Variants in TJP3 observed in about 807,000 individuals in gnomAD.
TJP3 encodes the protein tight junction protein ZO-3.
A neutral mutation model predicts 104.2 loss-of-function variants in TJP3; 85 were observed. That is an observed-to-expected ratio of 0.82 (90% confidence interval 0.68 to 0.98). The LOEUF (loss-of-function observed/expected upper bound fraction) is 0.98, where lower values mean the gene tolerates loss of function less well. TJP3 is among the 50% of genes least tolerant of loss of function. The pLI is 0.00. For synonymous variants in TJP3, 550 were observed against 550.6 expected (o/e 1.00, Z 0.02); for missense variants, 1,367 against 1,322.8 (o/e 1.03, Z -0.52).
At chr19:3,743,911 A>C in intron 14 of TJP3, 28 bp from the exon 15 acceptor site, 1 of 1,609,930 alleles carries the variant, frequency 6.2e-7, no homozygotes, top group Non-Finnish European at 8.5e-7. Flanking sequence ...TGGGACCCTG[A>C]TTCTTTCACT....
intron 6 of TJP3, among the ~76,000 whole-genome samples, chr19:3,733,046 T>TTTCTC (rs2036692842): frequency 6.6e-6 from 1 of 151,958 alleles, no homozygotes; most frequent in Non-Finnish European, 1.5e-5. Flanking sequence ...TTTCTTTTCT[T>TTTCTC]TCTTTTTGAT....
At chr19:3,723,511 G>C (rs1027343769) in intron 1 of TJP3, among the ~76,000 whole-genome samples, 3 of 152,044 alleles carry the variant, frequency 2.0e-5, no homozygotes, top group Non-Finnish European at 4.4e-5. Flanking sequence ...AATAAAACAG[G>C]CTGGGCGTGG....
intron 13 of TJP3, among the ~76,000 whole-genome samples, chr19:3,740,057 C>T (rs2036792232): frequency 6.6e-6 from 1 of 152,020 alleles, no homozygotes; most frequent in Non-Finnish European, 1.5e-5. Context: ...CATGGTGAAA[C>T]CCCATCCCTA....
Position 3,743,931 on chromosome 19 carries a change from C to T in TJP3, c.1844-8C>T. ...CCCTGATTCTTTCACTGTGTCTCTA[C>T]CCCTCAGCCAGTTTCAAGCGCCCGG... On this transcript the variant is annotated splice_polypyrimidine_tract_variant and splice_region_variant and intron_variant, in intron 14 of 20. Coordinates refer to ENST00000541714, the MANE Select transcript of TJP3 (RefSeq NM_001267560.2). 6.2e-7 allele frequency: 1 copy of T among 1,613,842 alleles called. No homozygotes were observed. Among genetic ancestry groups the T allele is most frequent in the South Asian group, 1.1e-5 (1 of 91,072 alleles).
At chr19:3,719,456 C>A (rs926357163) in intron 1 of TJP3, among the ~76,000 whole-genome samples, 2 of 151,878 alleles carry the variant, frequency 1.3e-5, no homozygotes, top group Non-Finnish European at 2.9e-5. Context: ...GTGTGTGTGG[C>A]TGGGAGTAGT....
At chr19:3,734,458 A>C in intron 8 of TJP3, 23 bp downstream of exon 8, 1 of 1,582,372 alleles carries the variant, frequency 6.3e-7, no homozygotes, top group Non-Finnish European at 8.6e-7. Flanking sequence ...CATCGGCCAG[A>C]ATGGTGATAG....
At chr19:3,716,799 A>T (rs866937729) in intron 1 of TJP3, among the ~76,000 whole-genome samples, 6,721 of 72,462 alleles carry the variant, frequency 0.093, 375 homozygotes, top group African/African-American at 0.16. Flanking sequence ...ATATATATAT[A>T]TATTTTTTTT....
At chr19:3,736,525 G>A (rs888651964) in intron 11 of TJP3, among the ~76,000 whole-genome samples, 1 of 152,132 alleles carries the variant, frequency 6.6e-6, no homozygotes, top group African/African-American at 2.4e-5. Flanking sequence ...TGACCTCATC[G>A]TCCAGTTACA....
intron 1 of TJP3, among the ~76,000 whole-genome samples, chr19:3,723,222 A>G (rs76843600): frequency 7.9e-5 from 12 of 152,322 alleles, no homozygotes; most frequent in Non-Finnish European, 1.5e-4. Context: ...CCACTCTGAC[A>G]TCCCACACCC....
At chr19:3,725,794 C>T (rs1026535714) in intron 1 of TJP3, among the ~76,000 whole-genome samples, 5 of 152,098 alleles carry the variant, frequency 3.3e-5, no homozygotes, top group Non-Finnish European at 7.4e-5. Context: ...TGAATCTGTA[C>T]CCTTTTCCCA....
chr19:3,730,771 G>A lies in TJP3; in HGVS notation c.613+65G>A, dbSNP rs74799785. 896 of 1,490,280 alleles carry A rather than the reference G, an allele frequency of 6.0e-4. 11 individuals carry two copies. The East Asian group carries it at 0.019, about 31-fold the overall frequency. 92.3% of individuals were successfully genotyped at this position (1,490,280 alleles called of 1,614,324 possible). On this transcript the variant is annotated intron_variant, in intron 5 of 20. Transcript: ENST00000541714. This position sits in a 1 kb window ranked among gnomAD's most constrained non-coding sequence, Gnocchi z 7.3. ...CACAGGGCACCGTGGTCGGATGGGC[G>A]ACGGTTTCAAGTGATTCTCCTGCCT...
rs768203211 is a variant in TJP3, at chr19:3,716,538, G to C, written c.-10+7977G>C. 6.1e-5 allele frequency among the ~76,000 whole-genome samples: 9 copies of C among 147,914 alleles called. 2 individuals carry two copies. Among genetic ancestry groups the C allele is most frequent in the Admixed American group, 1.4e-4 (2 of 14,534 alleles). Reference sequence around the variant, plus strand: ...TCTCAGCTGCAAAGTGGGCGCACGAGTGTTGTGTGTAACTGGGGCTGCAGC... The same window carrying C: ...TCTCAGCTGCAAAGTGGGCGCACGACTGTTGTGTGTAACTGGGGCTGCAGC... On this transcript the variant is annotated intron_variant, in intron 1 of 20. Coordinates refer to ENST00000541714, the MANE Select transcript of TJP3 (RefSeq NM_001267560.2).
rs931637492 is a variant in TJP3 at position 3,711,535 on chromosome 19, C to T, written c.-10+2974C>T. Among the ~76,000 whole-genome samples, 2 of 150,122 alleles carry T rather than the reference C, an allele frequency of 1.3e-5. 1 individual carries two copies. Among genetic ancestry groups the T allele is most frequent in the African/African-American group, 4.9e-5 (2 of 41,020 alleles). The stretch of plus-strand genomic sequence containing the variant: ...AGAGCTTTAAATGCTGGCCTGAAGA[C>T]ATTTGGCTTTATGATATTAAAGGAT... On this transcript the variant is annotated intron_variant, in intron 1 of 20. Transcript: ENST00000541714.
intron 1 of TJP3, among the ~76,000 whole-genome samples, chr19:3,709,570 G>A (rs964981851): frequency 2.0e-5 from 3 of 152,144 alleles, no homozygotes; most frequent in African/African-American, 4.8e-5. Flanking sequence ...CCAAGTGTCC[G>A]ATTGCATCTC....
intron 11 of TJP3, 134 bp from the exon 12 acceptor site, chr19:3,738,421 G>T: frequency 1.4e-6 from 1 of 701,268 alleles, no homozygotes. Context: ...AAAGCCCTCG[G>T]GGAACTGCCG....
At chr19:3,737,091 G>T (rs2036748267) in intron 11 of TJP3, among the ~76,000 whole-genome samples, 1 of 151,930 alleles carries the variant, frequency 6.6e-6, no homozygotes. Context: ...TGTTGGCCAG[G>T]CTGGTCTTGA....
At chr19:3,708,783 G>A (rs775542222) in intron 1 of TJP3, among the ~76,000 whole-genome samples, 1 of 152,174 alleles carries the variant, frequency 6.6e-6, no homozygotes, top group Non-Finnish European at 1.5e-5. Context: ...TGCCCAGGAC[G>A]CTGAGCTGGA....
chr19:3,732,079 C>T, intron 6 of TJP3, 41 bp downstream of exon 6: 1 of 1,572,866 alleles, frequency 6.4e-7, no homozygotes. Flanking sequence ...GGAGACAAGG[C>T]AGGGTTGGGG....
At chr19:3,716,447 G>A (rs1045549975) in intron 1 of TJP3, among the ~76,000 whole-genome samples, 2 of 148,124 alleles carry the variant, frequency 1.4e-5, no homozygotes, top group Non-Finnish European at 3.0e-5. Context: ...CTTGGAGTTC[G>A]AGGTGCAGGG....
Sources: gnomAD v4.1 joint callset for allele counts (sites outside exome capture counted in the v4.1 genomes callset) on GRCh38, gnomAD v4.1.1 for gene constraint, Gnocchi (gnomAD v3.1) non-coding constraint, MANE v1.5 for transcripts, NCBI Gene and HGNC (gene_info 2026-07-23, HGNC 2026-07-21) for gene names.